Variants in PLCG2 observed in about 807,000 individuals in gnomAD.
PLCG2 encodes the protein 1-phosphatidylinositol 4,5-bisphosphate phosphodiesterase gamma-2.
A neutral mutation model predicts 175.6 loss-of-function variants in PLCG2; 69 were observed. That is an observed-to-expected ratio of 0.39 (90% CI 0.32 to 0.48). The LOEUF (loss-of-function observed/expected upper bound fraction) is 0.48. Among genes scored for constraint, PLCG2 ranks in the 20% least tolerant of loss-of-function variants. PLCG2 has a pLI of 0.91. For missense variants in PLCG2, 1,798 were observed against 1,650.9 expected, an observed-to-expected ratio of 1.09 and a Z score of -1.54; for synonymous variants, 827 against 624.0, an observed-to-expected ratio of 1.33 and a Z score of -4.85.
intron 2 of PLCG2, among the ~76,000 whole-genome samples, chr16:81,799,317 A>G (rs141383842): frequency 0.011 from 1,618 of 151,994 alleles, 44 homozygotes; most frequent in Admixed American, 0.051. Flanking sequence ...TTCACAAGAC[A>G]TTTTCACAAC....
At chr16:81,926,930 A>T (rs1223186223) in intron 22 of PLCG2, 152 bp from the exon 23 acceptor site, 1 of 636,838 alleles carries the variant, frequency 1.6e-6, no homozygotes. Context: ...TGCCTTTGAG[A>T]TGCTCCATTG....
intron 19 of PLCG2, among the ~76,000 whole-genome samples, chr16:81,913,798 T>G (rs1328969269): frequency 6.6e-6 from 1 of 152,178 alleles, no homozygotes; most frequent in African/African-American, 2.4e-5. Context: ...TCCCATCCCC[T>G]GGTGACCCTG....
At chr16:81,934,559 A>ATAAC in intron 26 of PLCG2, 28 bp downstream of exon 26, 1 of 1,299,468 alleles carries the variant, frequency 7.7e-7, no homozygotes. Flanking sequence ...AACATGCCCT[A>ATAAC]TAACTCCAAT....
chr16:81,905,095 C>A (rs921892301), intron 14 of PLCG2, among the ~76,000 whole-genome samples: 1 of 152,210 alleles, frequency 6.6e-6, no homozygotes, highest in African/African-American at 2.4e-5. Flanking sequence ...CCATGTTGGC[C>A]AGGCTGGTCT....
intron 5 of PLCG2, among the ~76,000 whole-genome samples, chr16:81,860,956 G>A (rs1906950294): frequency 1.3e-5 from 2 of 152,112 alleles, no homozygotes; most frequent in South Asian, 4.1e-4. Context: ...TGGCCTGGGT[G>A]ACAGAGCAAG....
At chr16:81,883,218 C>G (rs1488405780) in intron 8 of PLCG2, 51 bp from the exon 9 acceptor site, 1 of 1,538,458 alleles carries the variant, frequency 6.5e-7, no homozygotes, top group South Asian at 1.1e-5. Context: ...CCTCTCGACT[C>G]CTCTGTTGAA....
At chr16:81,787,535 C>G (rs1387261932) in intron 2 of PLCG2, among the ~76,000 whole-genome samples, 1 of 141,458 alleles carries the variant, frequency 7.1e-6, no homozygotes, top group East Asian at 2.0e-4. Context: ...GCCTTGCACT[C>G]TTTTTTTTTT....
chr16:81,786,182 T>C lies in PLCG2; in HGVS notation c.193T>C (p.Leu65=). 1 of 1,613,332 alleles carries C rather than the reference T, an allele frequency of 6.2e-7. No homozygotes were observed. The highest frequency in any genetic ancestry group is 8.5e-7 in the Non-Finnish European group (1 of 1,179,604). Residue 65 remains leucine (L), a splice_region_variant and synonymous_variant, in exon 2 of 33, where the codon TTG becomes CTG. Transcript: ENST00000564138. ...GACCGCTGACAAGATCGAGGGCTTC[T>C]GTGAGTACTCGCTGGGTGGGGCAGT... ...SKTADKIEGF[L]DIMEIKEIRP...
At chr16:81,912,460 C>T (rs1319393782) in intron 18 of PLCG2, 137 bp from the exon 19 acceptor site, 1 of 1,018,724 alleles carries the variant, frequency 9.8e-7, no homozygotes, top group Non-Finnish European at 1.4e-6. Context: ...CTGGGGAAGC[C>T]CACTGTGTGA....
chr16:81,895,238 A>G (rs1408690869), intron 12 of PLCG2, among the ~76,000 whole-genome samples: 3 of 152,218 alleles, frequency 2.0e-5, no homozygotes, highest in Non-Finnish European at 4.4e-5. Context: ...AAGTCAGAAA[A>G]TAAAACACGT....
chr16:81,952,182 T>C (rs769908213), intron 31 of PLCG2, among the ~76,000 whole-genome samples: 3 of 151,944 alleles, frequency 2.0e-5, no homozygotes, highest in Non-Finnish European at 2.9e-5. Context: ...TGTGAACAAG[T>C]AGAAATTTAT....
rs753043745 is a variant in PLCG2, at chr16:81,785,973, C to T, written c.-17C>T. 2 of 1,609,396 alleles carry T rather than the reference C, an allele frequency of 1.2e-6. No homozygotes were observed. The highest frequency in any genetic ancestry group is 2.2e-5 in the East Asian group (1 of 44,822). ...TGATTTCTCCCGATTCCTTCCTTCTCCCTGGAGCGGCCGACAATGTCCACC... is the reference window on the plus strand; with the variant it reads ...TGATTTCTCCCGATTCCTTCCTTCTTCCTGGAGCGGCCGACAATGTCCACC... On this transcript the variant is annotated 5_prime_UTR_variant, in exon 2 of 33. Coordinates refer to ENST00000564138, the MANE Select transcript of PLCG2 (RefSeq NM_002661.5).
intron 19 of PLCG2, among the ~76,000 whole-genome samples, chr16:81,917,513 C>T (rs1332874931): frequency 1.3e-5 from 2 of 152,148 alleles, no homozygotes; most frequent in African/African-American, 2.4e-5. Context: ...GTCCCACCCA[C>T]CAGGTGCAGG....
chr16:81,960,555 T>G lies in PLCG2; in HGVS notation c.*2557T>G. 2 of 231,634 alleles carry G rather than the reference T, an allele frequency of 8.6e-6. No homozygotes were observed. Among genetic ancestry groups the G allele is most frequent in the Non-Finnish European group, 1.7e-5 (2 of 117,076 alleles). 14.3% of individuals were successfully genotyped at this position (231,634 alleles called of 1,614,324 possible). A position where few individuals can be genotyped will look rare whatever the true frequency, so the allele number is the denominator to read the frequency against. ...TTAGGTTATAAAAACTAAATAAAGT[T>G]TTTCTACTGTGAGACTAGATGTGCA... On this transcript the variant is annotated 3_prime_UTR_variant, in exon 33 of 33. Coordinates refer to ENST00000564138, the MANE Select transcript of PLCG2 (RefSeq NM_002661.5).
chr16:81,920,245 G>T (rs1476873635), intron 20 of PLCG2, among the ~76,000 whole-genome samples: 2 of 152,178 alleles, frequency 1.3e-5, no homozygotes, highest in Non-Finnish European at 2.9e-5. Flanking sequence ...GTGCAGGAGA[G>T]ACCTGATGTG....
At chr16:81,832,576 G>A (rs1048788328) in intron 2 of PLCG2, among the ~76,000 whole-genome samples, 8 of 151,940 alleles carry the variant, frequency 5.3e-5, no homozygotes, top group African/African-American at 1.9e-4. Context: ...GTGTGTGTAT[G>A]TATTTTTTGT....
intron 1 of PLCG2, among the ~76,000 whole-genome samples, chr16:81,750,422 CAAAA>C (rs35697599): frequency 9.1e-6 from 1 of 110,054 alleles, no homozygotes. Flanking sequence ...GACTCTGTCT[CAAAA>C]AAAAAAAAAA....
At chr16:81,957,011 CTCACAGGCCAGGCAT>C (rs1911600933) in intron 32 of PLCG2, 132 bp downstream of exon 32, 31 of 565,174 alleles carry the variant, frequency 5.5e-5, no homozygotes, top group Non-Finnish European at 8.0e-5. Flanking sequence ...GGCATGGTGG[CTCACAGGCCAGGCAT>C]GGTGGCTCAT....
chr16:81,901,076 T>C (rs1909130587), intron 14 of PLCG2, among the ~76,000 whole-genome samples: 1 of 152,262 alleles, frequency 6.6e-6, no homozygotes, highest in African/African-American at 2.4e-5. Flanking sequence ...GCCTGTCATG[T>C]GGTTGGTGCT....
Sources: allele counts gnomAD v4.1 joint callset (sites outside exome capture counted in the v4.1 genomes callset), GRCh38; gene constraint gnomAD v4.1.1; transcripts MANE v1.5; gene names NCBI Gene and HGNC (gene_info 2026-07-23, HGNC 2026-07-21).